Variants in PREX1 observed in about 807,000 individuals in gnomAD.
The protein encoded by PREX1 is phosphatidylinositol-3,4,5-trisphosphate dependent Rac exchange factor 1.
Under a neutral mutation model 198.3 loss-of-function variants are expected in PREX1, and 41 were observed. The ratio of observed to expected loss-of-function variants is 0.21; its 90% confidence interval spans 0.16 to 0.27. The LOEUF (loss-of-function observed/expected upper bound fraction) is 0.27. Among genes scored for constraint, PREX1 ranks in the 10% least tolerant of loss-of-function variants. PREX1 has a pLI of 1.00. For missense variants in PREX1, 1,620 were observed against 2,200.7 expected (o/e 0.74, Z 5.28); for synonymous variants, 843 against 887.2 (o/e 0.95, Z 0.89).
chr20:48,636,556 C>T lies in PREX1; in HGVS notation c.4074G>A (p.Glu1358=), dbSNP rs529730656. The part of the protein sequence containing the change: ...YRYNNNGEYE[E]SSRDASRKWL... ...ACTTGCGGCTGGCGTCGCGGCTGCT[C>T]TCCTCGTACTCGCCATTGTTGTTGT... Residue 1358 remains glutamate (E), a synonymous_variant, in exon 32 of 40, where the codon GAG becomes GAA. Transcript: ENST00000371941. 1 of 1,611,692 alleles carries T rather than the reference C, an allele frequency of 6.2e-7. No individual in the cohort carries two copies. The highest frequency in any genetic ancestry group is 1.1e-5 in the South Asian group (1 of 91,054).
chr20:48,663,114 T>C (rs561502974), intron 15 of PREX1, among the ~76,000 whole-genome samples: 1 of 152,262 alleles, frequency 6.6e-6, no homozygotes, highest in Non-Finnish European at 1.5e-5. Context: ...CTGGGGAAAC[T>C]GGAAGCTAAA....
chr20:48,689,233 A>G (rs1396217099), intron 9 of PREX1, among the ~76,000 whole-genome samples: 4 of 152,136 alleles, frequency 2.6e-5, no homozygotes, highest in Admixed American at 6.5e-5. Context: ...CTTCCAGCCA[A>G]CACTCATAGG....
chr20:48,650,187 C>G lies in PREX1; in HGVS notation c.2837G>C (p.Ser946Thr), dbSNP rs146886190. The change falls in exon 24 of 40, where the codon AGC (serine) becomes ACC (threonine). Residue 946 changes from serine to threonine, a missense_variant. Around this residue, in one of 7 missense-constraint regions of PREX1, gnomAD observed 514 missense variants for 611.6 expected, o/e 0.84. Coordinates refer to ENST00000371941, the MANE Select transcript of PREX1 (RefSeq NM_020820.4). ...TTGTTTGAAGGGTGGGCTGACCCTGCTCTTCAGTTGGGCTGCAAACTGAGA... is the reference window on the plus strand; with the variant it reads ...TTGTTTGAAGGGTGGGCTGACCCTGGTCTTCAGTTGGGCTGCAAACTGAGA... ...CYQEFAAQLK[S>T]RVSPPFKQAP... 90 of 1,613,108 alleles carry G rather than the reference C, an allele frequency of 5.6e-5. 1 individual carries two copies. The African/African-American group carries it at 7.3e-4, about 13-fold the overall frequency.
At chr20:48,778,565 G>A (rs780449111) in intron 1 of PREX1, among the ~76,000 whole-genome samples, 1 of 152,072 alleles carries the variant, frequency 6.6e-6, no homozygotes, top group Non-Finnish European at 1.5e-5. Context: ...ACTCCAGCCT[G>A]GGTGACAGAG....
chr20:48,676,347 G>C, intron 13 of PREX1, 79 bp from the exon 14 acceptor site: 1 of 1,356,038 alleles, frequency 7.4e-7, no homozygotes, highest in Non-Finnish European at 1.1e-6. Flanking sequence ...TTCCCTGCAG[G>C]ACGTGCCCAC....
intron 19 of PREX1, 64 bp from the exon 20 acceptor site, chr20:48,653,561 G>A: frequency 1.3e-6 from 2 of 1,561,706 alleles, no homozygotes; most frequent in Non-Finnish European, 1.7e-6. Flanking sequence ...GCTGAACACT[G>A]TCCCCCACCA....
intron 31 of PREX1, among the ~76,000 whole-genome samples, chr20:48,637,372 C>T (rs906165771): frequency 6.6e-6 from 1 of 152,338 alleles, no homozygotes; most frequent in East Asian, 1.9e-4. Context: ...CCCGCTACCT[C>T]CTCCCCCTTC....
At chr20:48,804,543 C>A (rs1221828168) in intron 1 of PREX1, among the ~76,000 whole-genome samples, 1 of 152,178 alleles carries the variant, frequency 6.6e-6, no homozygotes, top group Non-Finnish European at 1.5e-5. Flanking sequence ...AGTCAGAAGA[C>A]CACAGACTAC....
At chr20:48,872,561 T>C in the PREX1 span, among the ~76,000 whole-genome samples, 1 of 152,060 alleles carries the variant, frequency 6.6e-6, no homozygotes, top group African/African-American at 2.4e-5. Flanking sequence ...CTGGCTAACA[T>C]GGTGAAACCC....
the PREX1 span, among the ~76,000 whole-genome samples, chr20:48,862,780 T>TAAAAAAAAAAAAAAAAAAAAAAAAAAA: frequency 1.0e-5 from 1 of 99,260 alleles, no homozygotes; most frequent in Non-Finnish European, 2.0e-5. Flanking sequence ...TAAAAAAGCC[T>TAAAAAAAAAAAAAAAAAAAAAAAAAAA]AAAAAAAAAA....
rs147004491 is a variant in PREX1, at chr20:48,652,632, C to G, written c.2421G>C (p.Glu807Asp). The G allele has an allele frequency of 6.2e-7, 1 of 1,613,694 alleles. No individual in the cohort carries two copies. The highest frequency in any genetic ancestry group is 1.3e-5 in the African/African-American group (1 of 75,020). The change falls in exon 21 of 40, where the codon GAG becomes GAC. Residue 807 changes from glutamate (E) to aspartate (D), a missense_variant. Glu to Asp is a conservative substitution (Grantham distance 45). Coordinates refer to ENST00000371941, the MANE Select transcript of PREX1 (RefSeq NM_020820.4). ...EARASQEASTEDPSGEQAQEE... is the reference protein window; with the variant it reads ...EARASQEASTDDPSGEQAQEE... Reference sequence around the variant, plus strand: ...CCTGGGCCTGCTCGCCACTGGGGTCCTCAGTGGAGGCCTCCTGACTGGCTC... The same window carrying G: ...CCTGGGCCTGCTCGCCACTGGGGTCGTCAGTGGAGGCCTCCTGACTGGCTC...
At chr20:48,704,486 G>C (rs967016268) in intron 6 of PREX1, among the ~76,000 whole-genome samples, 2 of 151,846 alleles carry the variant, frequency 1.3e-5, no homozygotes, top group Admixed American at 1.3e-4. Flanking sequence ...GGCTGCCAGA[G>C]CCAGAGCCAG....
chr20:48,731,477 G>A (rs569951515), intron 4 of PREX1, among the ~76,000 whole-genome samples: 1 of 152,206 alleles, frequency 6.6e-6, no homozygotes, highest in Non-Finnish European at 1.5e-5. Flanking sequence ...CCCGTAGAAT[G>A]ATCCCTACCG....
chr20:48,653,610 C>T (rs1033923852), intron 19 of PREX1, 113 bp from the exon 20 acceptor site: 28 of 1,346,060 alleles, frequency 2.1e-5, no homozygotes, highest in Non-Finnish European at 2.7e-5. Context: ...AGGACTCCAC[C>T]TCCACCCCTC....
chr20:48,858,143 G>A, the PREX1 span, among the ~76,000 whole-genome samples: 254 of 152,346 alleles, frequency 1.7e-3, no homozygotes, highest in Non-Finnish European at 2.4e-3. Flanking sequence ...GTTGGTGGGA[G>A]AGCTGGGCCT....
chr20:48,717,030 G>A (rs1414331675), intron 5 of PREX1, among the ~76,000 whole-genome samples: 2 of 152,202 alleles, frequency 1.3e-5, no homozygotes, highest in East Asian at 3.8e-4. Flanking sequence ...TTAAAAGTAA[G>A]TTTAATTAAC....
chr20:48,841,742 A>G, the PREX1 span, among the ~76,000 whole-genome samples: 4 of 152,352 alleles, frequency 2.6e-5, no homozygotes, highest in East Asian at 7.7e-4. Context: ...AGCGGAGTAC[A>G]GAGTATCATT....
At chr20:48,719,878 C>T (rs2089977978) in intron 5 of PREX1, among the ~76,000 whole-genome samples, 1 of 152,128 alleles carries the variant, frequency 6.6e-6, no homozygotes, top group Admixed American at 6.5e-5. Context: ...CCCATTCCTC[C>T]CTGCTCAGAA....
chr20:48,732,148 T>C (rs2090037291), intron 4 of PREX1, among the ~76,000 whole-genome samples: 1 of 152,240 alleles, frequency 6.6e-6, no homozygotes, highest in Non-Finnish European at 1.5e-5. Flanking sequence ...AGTGCAAACA[T>C]GGAAATGTGA....
Sources: allele counts gnomAD v4.1 joint callset (sites outside exome capture counted in the v4.1 genomes callset), GRCh38; gene constraint gnomAD v4.1.1; regional missense constraint gnomAD v4.1.1; transcripts MANE v1.5; gene names NCBI Gene and HGNC (gene_info 2026-07-23, HGNC 2026-07-21).